Variants in CPB2 observed in about 807,000 individuals in gnomAD.
The protein encoded by CPB2 is carboxypeptidase B-like protein.
In CPB2, 54 loss-of-function variants were observed where a neutral mutation model predicts 57.0. The ratio of observed to expected loss-of-function variants is 0.95; its 90% CI spans 0.76 to 1.19. The LOEUF (loss-of-function observed/expected upper bound fraction) is 1.19, where lower values mean the gene tolerates loss of function less well. CPB2 is among the 50% of genes most tolerant of loss of function. The probability of loss-of-function intolerance (pLI) is 0.00; values close to 1 mark genes in which losing one functional copy is unlikely to be tolerated. For synonymous variants in CPB2, 189 were observed against 178.1 expected (o/e 1.06, Z -0.49); for missense variants, 426 against 512.0 (o/e 0.83, Z 1.62).
chr13:46,100,870 G>T (rs887711300), intron 1 of CPB2: 1 of 152,114 alleles, frequency 6.6e-6, no homozygotes, highest in African/African-American at 2.4e-5. Flanking sequence ...CATCTGTCCT[G>T]GTCCAGAGGC....
chr13:46,082,745 G>A (rs1281204112), intron 3 of CPB2, among the ~76,000 whole-genome samples, 196 bp from the exon 4 acceptor site: 1 of 152,148 alleles, frequency 6.6e-6, no homozygotes, highest in African/African-American at 2.4e-5. Flanking sequence ...GAGCCTACAT[G>A]GGCACTAGAG....
chr13:46,095,469 C>T (rs967632531), intron 1 of CPB2, among the ~76,000 whole-genome samples: 9 of 152,132 alleles, frequency 5.9e-5, no homozygotes, highest in East Asian at 1.9e-4. Context: ...TCCTGGAAAA[C>T]GACAGCAAAC....
At chr13:46,080,985 A>AAAG (rs1382194562) in intron 4 of CPB2, among the ~76,000 whole-genome samples, 1 of 150,890 alleles carries the variant, frequency 6.6e-6, no homozygotes, top group African/African-American at 2.4e-5. Context: ...AAAAAAAAAA[A>AAAG]AAAAAGGAAA....
At chr13:46,100,130 C>T (rs1232065698) in intron 1 of CPB2, 2 of 151,400 alleles carry the variant, frequency 1.3e-5, no homozygotes, top group Non-Finnish European at 2.9e-5. Flanking sequence ...AATTAGTCAA[C>T]AAGCAGAGAA....
chr13:46,087,920 A>C, intron 1 of CPB2, 100 bp from the exon 2 acceptor site: 1 of 717,716 alleles, frequency 1.4e-6, no homozygotes, highest in South Asian at 1.8e-5. Context: ...AAAGGGAAAC[A>C]AAATTTAAAA....
chr13:46,097,980 G>T (rs2045388925), intron 1 of CPB2, among the ~76,000 whole-genome samples: 2 of 152,214 alleles, frequency 1.3e-5, no homozygotes, highest in South Asian at 4.1e-4. Context: ...AGGAAGGCGA[G>T]GAGTTACCAT....
At chr13:46,079,535 CAAAAA>C (rs58164990) in intron 4 of CPB2, among the ~76,000 whole-genome samples, 1 of 111,010 alleles carries the variant, frequency 9.0e-6, no homozygotes, top group Non-Finnish European at 1.8e-5. Context: ...AAGGAAAAAG[CAAAAA>C]AAAAAAAAAA....
At chr13:46,056,110 GAAA>G (rs1441681452) in intron 9 of CPB2, among the ~76,000 whole-genome samples, 3 of 151,736 alleles carry the variant, frequency 2.0e-5, no homozygotes, top group African/African-American at 7.3e-5. Context: ...TTAATTTGCA[GAAA>G]AAAATTATCA....
rs747250885 is a variant in CPB2, at chr13:46,087,879, T to A, written c.75-59A>T. ...AAATAAAGAGTAAAGATGGAATATATTATACTGTGAGGAGCTTTTAGGTAA... is the reference window on the plus strand; with the variant it reads ...AAATAAAGAGTAAAGATGGAATATAATATACTGTGAGGAGCTTTTAGGTAA... On this transcript the variant is annotated intron_variant, in intron 1 of 10. Coordinates refer to ENST00000181383, the MANE Select transcript of CPB2 (RefSeq NM_001872.5). 2.5e-6 allele frequency: 3 copies of A among 1,187,180 alleles called. No homozygotes were observed. The Admixed American group carries it at 6.0e-5, about 24-fold the overall frequency. 73.5% of individuals were successfully genotyped at this position (1,187,180 alleles called of 1,614,324 possible).
At chr13:46,059,674 G>A (rs1186409293) in intron 8 of CPB2, among the ~76,000 whole-genome samples, 1 of 152,140 alleles carries the variant, frequency 6.6e-6, no homozygotes, top group Non-Finnish European at 1.5e-5. Flanking sequence ...GAGAAGGGGA[G>A]AGGAAGGATT....
chr13:46,084,527 T>G (rs1274125212), intron 2 of CPB2, among the ~76,000 whole-genome samples, 184 bp from the exon 3 acceptor site: 1 of 152,180 alleles, frequency 6.6e-6, no homozygotes, highest in Non-Finnish European at 1.5e-5. Context: ...TTAAAATTCC[T>G]TTCTATAACT....
chr13:46,058,107 T>C, intron 9 of CPB2, 72 bp downstream of exon 9: 1 of 1,447,444 alleles, frequency 6.9e-7, no homozygotes, highest in South Asian at 1.3e-5. Context: ...TTTTTCCCAG[T>C]TTTTGATTCT....
chr13:46,055,379 A>G (rs933858617), intron 10 of CPB2, among the ~76,000 whole-genome samples: 1 of 152,214 alleles, frequency 6.6e-6, no homozygotes, highest in Non-Finnish European at 1.5e-5. Flanking sequence ...ACTAAAAAAC[A>G]CTTGATGCAA....
intron 6 of CPB2, among the ~76,000 whole-genome samples, chr13:46,070,739 C>T (rs2404964): frequency 0.34 from 52,266 of 151,924 alleles, 9,221 homozygotes; most frequent in African/African-American, 0.39. Context: ...GAGAGCTATC[C>T]GTCTCAGTTT....
chr13:46,083,331 A>G (rs1490172478), intron 3 of CPB2, among the ~76,000 whole-genome samples: 1 of 152,220 alleles, frequency 6.6e-6, no homozygotes, highest in Non-Finnish European at 1.5e-5. Context: ...ATGGGGTTGC[A>G]TCTACTTCAC....
chr13:46,068,072 G>T (rs1437378803), intron 6 of CPB2, among the ~76,000 whole-genome samples: 3 of 152,174 alleles, frequency 2.0e-5, no homozygotes, highest in African/African-American at 7.2e-5. Context: ...ACCCCAAAAT[G>T]ACAAAATGTA....
chr13:46,091,769 T>A (rs779927184), intron 1 of CPB2, among the ~76,000 whole-genome samples: 82 of 152,248 alleles, frequency 5.4e-4, no homozygotes, highest in Non-Finnish European at 1.1e-3. Context: ...TAGATTAATG[T>A]GACTCAACAT....
intron 3 of CPB2, among the ~76,000 whole-genome samples, chr13:46,082,850 T>C (rs898157361): frequency 1.3e-5 from 2 of 152,222 alleles, no homozygotes; most frequent in African/African-American, 4.8e-5. Context: ...TTCTTCAGTG[T>C]CTTTTATATG....
intron 8 of CPB2, among the ~76,000 whole-genome samples, chr13:46,059,819 G>T (rs2044747025): frequency 6.6e-6 from 1 of 152,100 alleles, no homozygotes; most frequent in South Asian, 2.1e-4. Context: ...AGCTCATTCT[G>T]CTTTATTCCT....
Sources: allele counts gnomAD v4.1 joint callset (sites outside exome capture counted in the v4.1 genomes callset), GRCh38; gene constraint gnomAD v4.1.1; transcripts MANE v1.5; gene names NCBI Gene and HGNC (gene_info 2026-07-23, HGNC 2026-07-21).